The following PM20D1 variants were observed in gnomAD, a reference collection of about 807,000 sequenced individuals.
PM20D1 encodes the protein N-fatty-acyl-amino acid synthase/hydrolase PM20D1.
In PM20D1, 53 loss-of-function variants were observed where a neutral mutation model predicts 53.8. That is an observed-to-expected ratio of 0.98 (90% CI 0.79 to 1.24). PM20D1 has a LOEUF of 1.24. Among genes scored for constraint, PM20D1 ranks in the 50% most tolerant of loss-of-function variants. The pLI, the probability that PM20D1 is intolerant of heterozygous loss-of-function variation, is 0.00. For missense variants in PM20D1, 564 were observed against 616.8 expected (o/e 0.91, Z 0.91); for synonymous variants, 239 against 241.3 (o/e 0.99, Z 0.09).
intron 4 of PM20D1, 71 bp from the exon 5 acceptor site, chr1:205,844,288 AC>A: frequency 6.8e-7 from 1 of 1,474,512 alleles, no homozygotes; most frequent in East Asian, 2.3e-5. Flanking sequence ...GCTAATGGGG[AC>A]CTATTCAGCC....
intron 10 of PM20D1, among the ~76,000 whole-genome samples, chr1:205,838,359 T>C (rs753432986): frequency 1.3e-5 from 2 of 152,234 alleles, no homozygotes; most frequent in Non-Finnish European, 2.9e-5. Context: ...TCTGTGTAAC[T>C]TCTACTCACC....
At chr1:205,840,922 C>G (rs982528237) in intron 9 of PM20D1, among the ~76,000 whole-genome samples, 1 of 152,200 alleles carries the variant, frequency 6.6e-6, no homozygotes, top group Non-Finnish European at 1.5e-5. Flanking sequence ...TCACCTATTC[C>G]CAGCCAGTGA....
chr1:205,846,466 C>T lies in PM20D1; in HGVS notation c.257-909G>A, dbSNP rs370827266. Among the ~76,000 whole-genome samples the T allele has an allele frequency of 2.5e-3, 375 of 151,398 alleles. 3 individuals carry two copies. The highest frequency in any genetic ancestry group is 0.013 in the South Asian group (61 of 4,744). On this transcript the variant is annotated intron_variant, in intron 2 of 12. Coordinates refer to ENST00000367136, the MANE Select transcript of PM20D1 (RefSeq NM_152491.5). The stretch of plus-strand genomic sequence containing the variant: ...GACCTATAACATGCTATCACAAGTA[C>T]GTGTTAAAGGGCTATGCAGATGAGG...
intron 11 of PM20D1, among the ~76,000 whole-genome samples, chr1:205,831,586 CAG>C (rs1301228249): frequency 7.5e-6 from 1 of 132,846 alleles, no homozygotes; most frequent in Non-Finnish European, 1.6e-5. Flanking sequence ...TTTTTTTTGA[CAG>C]AGTCTTGCTC....
intron 9 of PM20D1, 106 bp from the exon 10 acceptor site, chr1:205,840,429 T>G: frequency 1.0e-6 from 1 of 977,870 alleles, no homozygotes; most frequent in Non-Finnish European, 1.5e-6. Flanking sequence ...TTGGCTGATT[T>G]GACTTAAGGA....
chr1:205,849,926 G>C lies in PM20D1; in HGVS notation c.147C>G (p.Val49=), dbSNP rs1249867685. Residue 49 remains valine, a synonymous_variant, in exon 1 of 13, where the codon GTC becomes GTG. Transcript: ENST00000367136. ...IPSQFSKEER[V]AMKEALKGAI... ...CACCTTTCAGCGCCTCTTTCATCGC[G>C]ACGCGTTCCTCTTTGCTGAACTGAG... 6.2e-7 allele frequency: 1 copy of C among 1,613,018 alleles called. No homozygotes were observed.
chr1:205,830,103 A>G, intron 12 of PM20D1, 177 bp downstream of exon 12: 2 of 538,598 alleles, frequency 3.7e-6, no homozygotes, highest in Non-Finnish European at 6.7e-6. Context: ...GGGGGTGACA[A>G]TGAGACTCTG....
intron 11 of PM20D1, among the ~76,000 whole-genome samples, chr1:205,831,606 C>T (rs1311946772): frequency 4.0e-5 from 6 of 149,954 alleles, no homozygotes; most frequent in Non-Finnish European, 7.4e-5. Flanking sequence ...CTCTGTCACC[C>T]AGGCTGGACT....
In PM20D1 at chr1:205,828,554, A is replaced by C; in HGVS notation, c.*66T>G. On this transcript the variant is annotated 3_prime_UTR_variant, in exon 13 of 13. Transcript: ENST00000367136. ...TTTGATCAAAAGTTTCATCAACACT[A>C]GCTTTCCCCCTTGGGTTAGTCCTGT... is the stretch of plus-strand genomic sequence containing the variant. The C allele has an allele frequency of 6.3e-7, 1 of 1,592,866 alleles. No homozygotes were observed. Among genetic ancestry groups the C allele is most frequent in the Non-Finnish European group, 8.5e-7 (1 of 1,169,648 alleles).
chr1:205,830,098 T>A, intron 12 of PM20D1, 182 bp downstream of exon 12: 1 of 516,898 alleles, frequency 1.9e-6, no homozygotes, highest in Non-Finnish European at 3.5e-6. Flanking sequence ...TTCTAGGGGG[T>A]GACAATGAGA....
chr1:205,838,876 T>C (rs1656742599), intron 10 of PM20D1, among the ~76,000 whole-genome samples: 1 of 152,168 alleles, frequency 6.6e-6, no homozygotes, highest in African/African-American at 2.4e-5. Flanking sequence ...CCACATCCTA[T>C]TGAACCCACC....
intron 3 of PM20D1, 93 bp from the exon 4 acceptor site, chr1:205,844,990 C>T: frequency 9.3e-7 from 1 of 1,073,462 alleles, no homozygotes; most frequent in Non-Finnish European, 1.4e-6. Flanking sequence ...GTTATCAGGG[C>T]TGGTGGGATG....
At position 205,843,799 on chromosome 1, in the gene PM20D1, A is replaced by G; in HGVS notation, c.708-13T>C. On this transcript the variant is annotated splice_polypyrimidine_tract_variant and intron_variant, in intron 5 of 12. Transcript: ENST00000367136. ...TGAGACTGCAATCCTGTAGAAGAGG[A>G]TCGGAAACCACTCTCCTGACTTCTT... 2 of 1,612,010 alleles carry G rather than the reference A, an allele frequency of 1.2e-6. No individual in the cohort carries two copies. Among genetic ancestry groups the G allele is most frequent in the Non-Finnish European group, 1.7e-6 (2 of 1,179,050 alleles).
chr1:205,830,231 C>T, intron 12 of PM20D1, 49 bp downstream of exon 12: 1 of 1,363,760 alleles, frequency 7.3e-7, no homozygotes, highest in Non-Finnish European at 1.0e-6. Flanking sequence ...AAGGACACAT[C>T]AAGTGTATTT....
intron 2 of PM20D1, among the ~76,000 whole-genome samples, chr1:205,846,446 A>G (rs1656986732): frequency 6.6e-6 from 1 of 152,218 alleles, no homozygotes; most frequent in South Asian, 2.1e-4. Flanking sequence ...GGTCAGACCT[A>G]TAACATGCTA....
chr1:205,833,901 G>A (rs2102523959), intron 10 of PM20D1, among the ~76,000 whole-genome samples: 1 of 151,904 alleles, frequency 6.6e-6, no homozygotes, highest in Admixed American at 6.6e-5. Flanking sequence ...AGGCTGGAGT[G>A]CAGTGGTGCG....
chr1:205,843,590 T>A, intron 6 of PM20D1, 77 bp downstream of exon 6: 1 of 1,543,054 alleles, frequency 6.5e-7, no homozygotes, highest in Non-Finnish European at 8.7e-7. Context: ...AAGCTTAGCC[T>A]CCTCAAATTT....
chr1:205,833,431 T>C (rs1056420434), intron 10 of PM20D1, among the ~76,000 whole-genome samples: 1 of 152,214 alleles, frequency 6.6e-6, no homozygotes, highest in Admixed American at 6.5e-5. Context: ...TTTCCCCCTC[T>C]CTGGGCATTT....
chr1:205,844,753 A>C (rs1202275563), intron 4 of PM20D1, 58 bp downstream of exon 4: 1 of 1,523,784 alleles, frequency 6.6e-7, no homozygotes, highest in Non-Finnish European at 9.0e-7. Context: ...AGGGTTAAGC[A>C]CCCACTCCCC....
Sources: gnomAD v4.1 joint callset for allele counts (sites outside exome capture counted in the v4.1 genomes callset) on GRCh38, gnomAD v4.1.1 for gene constraint, MANE v1.5 for transcripts, NCBI Gene and HGNC (gene_info 2026-07-23, HGNC 2026-07-21) for gene names.